The following LRRC4B variants were observed in gnomAD, a reference collection of about 807,000 sequenced individuals.
LRRC4B encodes the protein leucine-rich repeat-containing protein 4B.
Under a neutral mutation model 7.3 loss-of-function variants are expected in LRRC4B, and 1 was observed. The observed-to-expected ratio is 0.14, with a 90% CI of 0.05 to 0.65. The LOEUF (loss-of-function observed/expected upper bound fraction) is 0.65, where lower values mean the gene tolerates loss of function less well. Among genes scored for constraint, LRRC4B ranks in the 30% least tolerant of loss-of-function variants. LRRC4B has a pLI of 0.84. For synonymous variants in LRRC4B, 500 were observed against 499.2 expected (o/e 1.00, Z -0.02); for missense variants, 730 against 1,041.6 (o/e 0.70, Z 4.12).
intron 2 of LRRC4B, among the ~76,000 whole-genome samples, chr19:50,528,851 G>C (rs537942415): frequency 6.6e-6 from 1 of 152,282 alleles, no homozygotes; most frequent in South Asian, 2.1e-4. Flanking sequence ...GAATGGCGGA[G>C]TACAGCAGGA....
rs374853724 is a variant in LRRC4B at position 50,518,633 on chromosome 19, G to C, written c.1080C>G (p.Thr360=). The C allele has an allele frequency of 3.7e-6, 6 of 1,610,714 alleles. No homozygotes were observed. In the African/African-American group the frequency reaches 6.7e-5, roughly 18 times the overall value. The change falls in exon 3 of 3, where the codon ACC becomes ACG. Residue 360 remains threonine, a synonymous_variant. Coordinates refer to ENST00000652263, the MANE Select transcript of LRRC4B (RefSeq NM_001080457.2). ...GCTCCACGATGACGGGCGCATAGCA[G>C]GTGAAATGCGACTGGTCCAGCTCCC... ...YIGELDQSHF[T]CYAPVIVEPP...
chr19:50,517,546 C>T lies in LRRC4B; in HGVS notation c.*25G>A. ...GGGACCTGGGTGGGGGGCTCCACGCCCCTCGCCCGCCCGGCCCCGCCGCCT... is the reference window on the plus strand; with the variant it reads ...GGGACCTGGGTGGGGGGCTCCACGCTCCTCGCCCGCCCGGCCCCGCCGCCT... On this transcript the variant is annotated 3_prime_UTR_variant, in exon 3 of 3. Coordinates refer to ENST00000652263, the MANE Select transcript of LRRC4B (RefSeq NM_001080457.2). The surrounding 1 kb of genome is among the most constrained non-coding windows in gnomAD (Gnocchi z 6.6). 7.1e-7 allele frequency: 1 copy of T among 1,411,520 alleles called. No homozygotes were observed. Among genetic ancestry groups the T allele is most frequent in the Non-Finnish European group, 9.2e-7 (1 of 1,082,698 alleles). 87.4% of individuals were successfully genotyped at this position (1,411,520 alleles called of 1,614,324 possible).
At chr19:50,564,693 G>A (rs1426205827) in intron 1 of LRRC4B, among the ~76,000 whole-genome samples, 5 of 151,994 alleles carry the variant, frequency 3.3e-5, no homozygotes, top group Admixed American at 6.6e-5. Context: ...CCTCGAGACA[G>A]ATGCCCGGCC....
At chr19:50,525,716 G>A (rs769888832) in intron 2 of LRRC4B, among the ~76,000 whole-genome samples, 10 of 151,648 alleles carry the variant, frequency 6.6e-5, no homozygotes, top group East Asian at 3.9e-4. Context: ...CACCCTCCCC[G>A]GCAAGAACTG....
chr19:50,533,133 C>CT (rs1302051119), intron 2 of LRRC4B, among the ~76,000 whole-genome samples: 1 of 152,172 alleles, frequency 6.6e-6, no homozygotes, highest in Non-Finnish European at 1.5e-5. Flanking sequence ...AAATCCTTGT[C>CT]TTTTAACTGG....
intron 1 of LRRC4B, chr19:50,557,690 G>C (rs1372139858): frequency 6.6e-6 from 1 of 152,140 alleles, no homozygotes; most frequent in Non-Finnish European, 1.5e-5. Context: ...AAGAGGGCTG[G>C]GAGGGCTGGG....
chr19:50,541,384 A>G (rs1343121605), intron 2 of LRRC4B, among the ~76,000 whole-genome samples: 1 of 132,830 alleles, frequency 7.5e-6, no homozygotes, highest in African/African-American at 3.0e-5. Flanking sequence ...AAAAAAAAAA[A>G]GAAAAAGAAA....
rs931669171 is a variant in LRRC4B at position 50,519,486 on chromosome 19, G to A, written c.298-71C>T. On this transcript the variant is annotated intron_variant, in intron 2 of 2. Transcript: ENST00000652263. The surrounding 1 kb of genome is among the most constrained non-coding windows in gnomAD (Gnocchi z 8.1). ...ACCGTGGGGGGATCACCAAGGTCCC[G>A]GGCGCAGGTGGGGCCGTGTGGCTGG... 13 of 1,461,034 alleles carry A rather than the reference G, an allele frequency of 8.9e-6. No individual in the cohort carries two copies. The highest frequency in any genetic ancestry group is 2.5e-5 in the Admixed American group (1 of 40,342). 90.5% of individuals were successfully genotyped at this position (1,461,034 alleles called of 1,614,324 possible). A position where few individuals can be genotyped will look rare whatever the true frequency, so the allele number is the denominator to read the frequency against.
intron 2 of LRRC4B, among the ~76,000 whole-genome samples, chr19:50,534,336 T>C (rs1326685968): frequency 1.3e-5 from 2 of 152,122 alleles, no homozygotes; most frequent in African/African-American, 4.8e-5. Context: ...GTGAGTGTCA[T>C]CACCCTCATG....
intron 1 of LRRC4B, among the ~76,000 whole-genome samples, chr19:50,559,527 C>T (rs948205359): frequency 9.2e-5 from 14 of 152,230 alleles, no homozygotes; most frequent in Admixed American, 3.9e-4. Context: ...ACTGAATTCA[C>T]CCCAGAAGAG....
intron 2 of LRRC4B, among the ~76,000 whole-genome samples, chr19:50,535,044 A>G (rs966384113): frequency 6.7e-6 from 1 of 150,068 alleles, no homozygotes; most frequent in Non-Finnish European, 1.5e-5. Context: ...AATTGTTTGT[A>G]TTTTTAGTAG....
chr19:50,552,993 G>C (rs563952030), intron 1 of LRRC4B, among the ~76,000 whole-genome samples: 4 of 152,182 alleles, frequency 2.6e-5, no homozygotes, highest in Non-Finnish European at 5.9e-5. Context: ...CTCCCAAGCT[G>C]CAGTTCCCTC....
At chr19:50,551,382 G>A (rs1005487686) in intron 1 of LRRC4B, among the ~76,000 whole-genome samples, 1 of 151,310 alleles carries the variant, frequency 6.6e-6, no homozygotes, top group East Asian at 2.0e-4. Context: ...CACCCCTGGG[G>A]GGGGCTGTCC....
At position 50,553,554 on chromosome 19, in the gene LRRC4B, T is replaced by C. The variant is rs1201199804; in HGVS notation, c.-35-4681A>G. ...CTTGCCCTGCTCTCTATCAGGTCCG[T>C]GCTCCAATGCTACCTTCTCAGTGAG... On this transcript the variant is annotated intron_variant, in intron 1 of 2. Transcript: ENST00000652263. This position sits in a 1 kb window ranked among gnomAD's most constrained non-coding sequence, Gnocchi z 4.2. 1.3e-5 allele frequency among the ~76,000 whole-genome samples: 2 copies of C among 152,206 alleles called. No homozygotes were observed. Among genetic ancestry groups the C allele is most frequent in the African/African-American group, 4.8e-5 (2 of 41,452 alleles).
rs141284447 is a variant in LRRC4B at position 50,542,765 on chromosome 19, C to T, written c.297+5777G>A. ...GTACTGGGATTACAGGCATAGCCAC[C>T]GCGCCTGGCCATGATATTTTAAAAA... On this transcript the variant is annotated intron_variant, in intron 2 of 2. Transcript: ENST00000652263. 6.4e-3 allele frequency among the ~76,000 whole-genome samples: 977 copies of T among 152,202 alleles called. 12 individuals carry two copies. The highest frequency in any genetic ancestry group is 0.021 in the African/African-American group (886 of 41,542).
Position 50,548,433 on chromosome 19 carries a change from C to T in LRRC4B, c.297+109G>A, listed in dbSNP as rs1014580540. The T allele has an allele frequency of 2.4e-5, 34 of 1,429,752 alleles. No homozygotes were observed. The highest frequency in any genetic ancestry group is 5.2e-5 in the South Asian group (4 of 77,214). 88.6% of individuals were successfully genotyped at this position (1,429,752 alleles called of 1,614,324 possible). On this transcript the variant is annotated intron_variant, in intron 2 of 2. Coordinates refer to ENST00000652263, the MANE Select transcript of LRRC4B (RefSeq NM_001080457.2). This position sits in a 1 kb window ranked among gnomAD's most constrained non-coding sequence, Gnocchi z 6.8. The stretch of plus-strand genomic sequence containing the variant: ...ACCCGCAGGCCACATCCACAGGTGC[C>T]GGAGACGGGGAAGCCCCGGTGTGGG...
intron 1 of LRRC4B, among the ~76,000 whole-genome samples, chr19:50,557,395 A>T (rs1162868394): frequency 1.3e-5 from 2 of 152,146 alleles, no homozygotes; most frequent in Non-Finnish European, 2.9e-5. Flanking sequence ...AGCTGGGGAC[A>T]CACCGCCCAC....
chr19:50,529,052 C>A (rs1043447210), intron 2 of LRRC4B, among the ~76,000 whole-genome samples: 4 of 152,140 alleles, frequency 2.6e-5, no homozygotes, highest in Non-Finnish European at 5.9e-5. Flanking sequence ...AAAACTCCCC[C>A]CTCTGCCAGG....
chr19:50,558,437 C>T (rs1020152705), intron 1 of LRRC4B, among the ~76,000 whole-genome samples: 1 of 152,122 alleles, frequency 6.6e-6, no homozygotes, highest in Admixed American at 6.6e-5. Flanking sequence ...GCCATGTTGC[C>T]CAGGCTGGTC....
Sources: allele counts gnomAD v4.1 joint callset (sites outside exome capture counted in the v4.1 genomes callset), GRCh38; gene constraint gnomAD v4.1.1; non-coding constraint Gnocchi (gnomAD v3.1); transcripts MANE v1.5; gene names NCBI Gene and HGNC (gene_info 2026-07-23, HGNC 2026-07-21).